Variants in DPYD observed in about 807,000 individuals in gnomAD.
The protein encoded by DPYD is dihydropyrimidine dehydrogenase [NADP(+)].
Under a neutral mutation model 116.2 loss-of-function variants are expected in DPYD, and 109 were observed. The observed-to-expected ratio is 0.94, with a 90% CI of 0.80 to 1.10. The LOEUF (loss-of-function observed/expected upper bound fraction) is 1.10, where lower values mean the gene tolerates loss of function less well. Among genes scored for constraint, DPYD ranks in the 50% least tolerant of loss-of-function variants. The probability of loss-of-function intolerance (pLI) is 0.00; values close to 1 mark genes in which losing one functional copy is unlikely to be tolerated. For missense variants in DPYD, 1,302 were observed against 1,254.5 expected (o/e 1.04, Z -0.57); for synonymous variants, 440 against 432.0 (o/e 1.02, Z -0.23).
chr1:97,427,010 A>G lies in DPYD; in HGVS notation c.1905+23049T>C, dbSNP rs181471090. On this transcript the variant is annotated intron_variant, in intron 14 of 22. Coordinates refer to ENST00000370192, the MANE Select transcript of DPYD (RefSeq NM_000110.4). ...ATTTAAGATTCAGAGTTGGTAGAAGAAGGACTTTATTTTTATGCAGTATAT... is the reference window on the plus strand; with the variant it reads ...ATTTAAGATTCAGAGTTGGTAGAAGGAGGACTTTATTTTTATGCAGTATAT... Among the ~76,000 whole-genome samples the G allele has an allele frequency of 1.8e-3, 281 of 152,184 alleles. 1 individual carries two copies. Among genetic ancestry groups the G allele is most frequent in the Middle Eastern group, 0.01 (3 of 294 alleles).
chr1:97,519,657 A>G (rs1648493630), intron 12 of DPYD, among the ~76,000 whole-genome samples: 1 of 152,206 alleles, frequency 6.6e-6, no homozygotes, highest in East Asian at 1.9e-4. Context: ...TATTTTACAA[A>G]GAGAAAACAA....
At chr1:97,838,865 AAT>A (rs1669909261) in intron 2 of DPYD, among the ~76,000 whole-genome samples, 3 of 150,074 alleles carry the variant, frequency 2.0e-5, no homozygotes, top group Non-Finnish European at 4.4e-5. Context: ...AAAAAAAATA[AAT>A]AAAAAAATAA....
At chr1:97,804,671 T>C (rs969932023) in intron 3 of DPYD, among the ~76,000 whole-genome samples, 1 of 151,796 alleles carries the variant, frequency 6.6e-6, no homozygotes, top group Non-Finnish European at 1.5e-5. Context: ...TTAAAGAAAT[T>C]AGAAGATAAC....
intron 2 of DPYD, among the ~76,000 whole-genome samples, chr1:97,841,721 T>G (rs1670046983): frequency 6.6e-6 from 1 of 151,728 alleles, no homozygotes; most frequent in Admixed American, 6.6e-5. Flanking sequence ...AAAAAAAAAA[T>G]GTTTGTTCCC....
chr1:97,162,772 C>A (rs931419301), intron 20 of DPYD, among the ~76,000 whole-genome samples: 1 of 151,860 alleles, frequency 6.6e-6, no homozygotes, highest in Non-Finnish European at 1.5e-5. Context: ...GGTACTGGTA[C>A]CAAAACAGAG....
rs191335568 is a variant in DPYD, at chr1:97,562,749, C to T, written c.1339+11011G>A. Reference sequence around the variant, plus strand: ...GTCTTATTTTTTTGAGATGGAGTCTCACTCTGTTGCCCAGGCCAGAGTGCA... The same window carrying T: ...GTCTTATTTTTTTGAGATGGAGTCTTACTCTGTTGCCCAGGCCAGAGTGCA... On this transcript the variant is annotated intron_variant, in intron 11 of 22. Coordinates refer to ENST00000370192, the MANE Select transcript of DPYD (RefSeq NM_000110.4). Among the ~76,000 whole-genome samples, 79 of 152,236 alleles carry T rather than the reference C, an allele frequency of 5.2e-4. 1 individual carries two copies. The highest frequency in any genetic ancestry group is 5.2e-4 in the Admixed American group (8 of 15,288).
At chr1:97,551,982 G>T (rs1651357637) in intron 11 of DPYD, among the ~76,000 whole-genome samples, 1 of 151,996 alleles carries the variant, frequency 6.6e-6, no homozygotes, top group Non-Finnish European at 1.5e-5. Flanking sequence ...GATATGTGTA[G>T]ATTATATGCA....
intron 13 of DPYD, among the ~76,000 whole-genome samples, chr1:97,480,979 C>T (rs561912955): frequency 5.3e-5 from 8 of 151,704 alleles, no homozygotes; most frequent in African/African-American, 1.9e-4. Context: ...AAAACTCCAT[C>T]TCAAAAAACA....
intron 16 of DPYD, among the ~76,000 whole-genome samples, chr1:97,310,202 A>G (rs1325249406): frequency 6.6e-6 from 1 of 151,764 alleles, no homozygotes; most frequent in Non-Finnish European, 1.5e-5. Context: ...GTTTTTCACT[A>G]AGCAACTCTT....
chr1:97,249,941 A>T (rs1486317187), intron 18 of DPYD, among the ~76,000 whole-genome samples: 1 of 152,204 alleles, frequency 6.6e-6, no homozygotes, highest in Non-Finnish European at 1.5e-5. Context: ...AATGTGGAAC[A>T]AAACGAACTC....
intron 14 of DPYD, among the ~76,000 whole-genome samples, chr1:97,395,907 T>C (rs1478759477): frequency 6.6e-6 from 1 of 151,984 alleles, no homozygotes; most frequent in East Asian, 1.9e-4. Context: ...CTGACCTAGA[T>C]TAGCCAGTCC....
chr1:97,851,784 C>T (rs1297676906), intron 2 of DPYD, among the ~76,000 whole-genome samples: 1 of 151,374 alleles, frequency 6.6e-6, no homozygotes, highest in South Asian at 2.1e-4. Flanking sequence ...TTATAATGCA[C>T]TATACATGAG....
chr1:97,828,063 G>T (rs544830705), intron 3 of DPYD, 51 bp downstream of exon 3: 3 of 1,534,194 alleles, frequency 2.0e-6, no homozygotes, highest in East Asian at 2.3e-5. Flanking sequence ...AATGAAGAAT[G>T]ACTTTTTCTT....
At chr1:97,701,775 T>C (rs1386984999) in intron 5 of DPYD, among the ~76,000 whole-genome samples, 2 of 151,894 alleles carry the variant, frequency 1.3e-5, no homozygotes, top group African/African-American at 2.4e-5. Flanking sequence ...TCCTCATAAA[T>C]GGTCTCATAA....
At chr1:97,635,247 G>T (rs1232383527) in intron 8 of DPYD, among the ~76,000 whole-genome samples, 2 of 152,004 alleles carry the variant, frequency 1.3e-5, no homozygotes, top group Non-Finnish European at 2.9e-5. Flanking sequence ...CCTCAAGCCC[G>T]CACCTTCCTT....
intron 20 of DPYD, among the ~76,000 whole-genome samples, chr1:97,161,639 T>C (rs1655904259): frequency 6.6e-6 from 1 of 151,472 alleles, no homozygotes; most frequent in Non-Finnish European, 1.5e-5. Flanking sequence ...GTTACATATG[T>C]ATACATGTGC....
intron 2 of DPYD, among the ~76,000 whole-genome samples, chr1:97,830,707 C>CAAAAAAA: frequency 9.5e-6 from 1 of 105,762 alleles, no homozygotes; most frequent in Middle Eastern, 5.5e-3. Flanking sequence ...GACTCCATCT[C>CAAAAAAA]AAAAAAAAAA....
At chr1:97,840,116 C>T (rs1249217847) in intron 2 of DPYD, among the ~76,000 whole-genome samples, 1 of 151,482 alleles carries the variant, frequency 6.6e-6, no homozygotes, top group Admixed American at 6.6e-5. Context: ...TAAGAATAAC[C>T]AAAAAATGAC....
rs1043800643 is a variant in DPYD, at chr1:97,584,971, GAAATA to G, written c.1128+8242_1128+8246del. Reference sequence around the variant, plus strand: ...TAATAATAATAATAATAATAATAAAGAAATAAAATAAAATGTGTACTTATTTAAAA... The same window carrying G: ...TAATAATAATAATAATAATAATAAAGAAATAAAATGTGTACTTATTTAAAA... On this transcript the variant is annotated intron_variant, in intron 10 of 22. Transcript: ENST00000370192. Among the ~76,000 whole-genome samples, 4 of 94,314 alleles carry G rather than the reference GAAATA, an allele frequency of 4.2e-5. 1 individual carries two copies. The highest frequency in any genetic ancestry group is 2.3e-4 in the Admixed American group (2 of 8,772). 61.9% of individuals were successfully genotyped at this position (94,314 alleles called of 152,430 possible).
Sources: allele counts gnomAD v4.1 joint callset (sites outside exome capture counted in the v4.1 genomes callset), GRCh38; gene constraint gnomAD v4.1.1; transcripts MANE v1.5; gene names NCBI Gene and HGNC (gene_info 2026-07-23, HGNC 2026-07-21).